TLL1: variants seen among roughly 807,000 people sequenced by gnomAD.
TLL1 encodes the protein tolloid like 1, also known as tolloid-like protein 1.
A neutral mutation model predicts 128.2 loss-of-function variants in TLL1; 49 were observed. That is an observed-to-expected ratio of 0.38 (90% CI 0.30 to 0.48). TLL1 has a LOEUF of 0.48. TLL1 is among the 20% of genes least tolerant of loss of function. The pLI, the probability that TLL1 is intolerant of heterozygous loss-of-function variation, is 0.96. For missense variants in TLL1, 1,123 were observed against 1,242.0 expected (o/e 0.90, Z 1.44); for synonymous variants, 454 against 418.8 (o/e 1.08, Z -1.03).
chr4:166,069,339 C>A (rs553039723), intron 16 of TLL1, among the ~76,000 whole-genome samples: 1 of 151,552 alleles, frequency 6.6e-6, no homozygotes, highest in South Asian at 2.1e-4. Context: ...CTTTATGAAA[C>A]CTTAACACAA....
At chr4:166,017,345 A>C (rs1203142179) in intron 8 of TLL1, among the ~76,000 whole-genome samples, 1 of 152,098 alleles carries the variant, frequency 6.6e-6, no homozygotes, top group Non-Finnish European at 1.5e-5. Flanking sequence ...CCAGTGATGG[A>C]CATCCAGGTT....
At chr4:165,934,132 G>T (rs1733657981) in intron 1 of TLL1, among the ~76,000 whole-genome samples, 1 of 150,966 alleles carries the variant, frequency 6.6e-6, no homozygotes. Context: ...CCGAGTAGCT[G>T]GGATTACAGG....
At chr4:166,099,027 CA>C (rs2111167541) in intron 19 of TLL1, among the ~76,000 whole-genome samples, 1 of 152,190 alleles carries the variant, frequency 6.6e-6, no homozygotes, top group East Asian at 1.9e-4. Context: ...GGCTCAAAGA[CA>C]TCACTTACCC....
At chr4:166,055,866 C>T (rs952553607) in intron 13 of TLL1, among the ~76,000 whole-genome samples, 2 of 151,962 alleles carry the variant, frequency 1.3e-5, no homozygotes, top group African/African-American at 4.8e-5. Context: ...ATCACATATG[C>T]ATTTAGGAAA....
chr4:165,909,798 G>A (rs1732443255), intron 1 of TLL1, among the ~76,000 whole-genome samples: 1 of 152,106 alleles, frequency 6.6e-6, no homozygotes, highest in Admixed American at 6.6e-5. Context: ...TCTCATAACA[G>A]CAGAGTGAGA....
chr4:166,043,880 C>T (rs577506286), intron 12 of TLL1, among the ~76,000 whole-genome samples: 2 of 151,118 alleles, frequency 1.3e-5, no homozygotes, highest in East Asian at 1.9e-4. Flanking sequence ...AGTGTTCTTA[C>T]GAGCTTTCAA....
intron 1 of TLL1, among the ~76,000 whole-genome samples, chr4:165,985,432 T>A (rs1053134525): frequency 3.9e-5 from 6 of 152,170 alleles, no homozygotes; most frequent in Admixed American, 1.3e-4. Context: ...CAGAAAGACT[T>A]CACCCTTGGC....
At chr4:165,921,355 T>C (rs1303807585) in intron 1 of TLL1, among the ~76,000 whole-genome samples, 3 of 152,196 alleles carry the variant, frequency 2.0e-5, no homozygotes, top group South Asian at 4.1e-4. Flanking sequence ...GTAATTAATA[T>C]AGAGTAGGCT....
chr4:165,979,883 A>G (rs1297629038), intron 1 of TLL1, among the ~76,000 whole-genome samples: 1 of 152,186 alleles, frequency 6.6e-6, no homozygotes, highest in Non-Finnish European at 1.5e-5. Context: ...ATGCTTTTCT[A>G]TACAGTTGAA....
chr4:166,091,756 T>C (rs1391250694), intron 19 of TLL1, among the ~76,000 whole-genome samples: 1 of 152,114 alleles, frequency 6.6e-6, no homozygotes, highest in East Asian at 1.9e-4. Flanking sequence ...GATTTTACAT[T>C]AATATATTTT....
At chr4:165,942,275 C>CT (rs574617625) in intron 1 of TLL1, among the ~76,000 whole-genome samples, 2,676 of 144,714 alleles carry the variant, frequency 0.018, 61 homozygotes, top group African/African-American at 0.061. Flanking sequence ...CACCACCCTC[C>CT]TTTTTTTTTT....
intron 1 of TLL1, among the ~76,000 whole-genome samples, chr4:165,978,503 AAAT>A (rs1424446769): frequency 1.3e-5 from 2 of 152,072 alleles, no homozygotes; most frequent in Admixed American, 1.3e-4. Context: ...CACAATCTCA[AAAT>A]AATATCACCA....
intron 5 of TLL1, among the ~76,000 whole-genome samples, chr4:165,999,040 C>T (rs1737026321): frequency 6.6e-6 from 1 of 151,652 alleles, no homozygotes; most frequent in South Asian, 2.1e-4. Context: ...TTTGAGACCA[C>T]CTCAGCCTGG....
At chr4:165,896,125 C>G (rs1419393301) in intron 1 of TLL1, among the ~76,000 whole-genome samples, 3 of 152,030 alleles carry the variant, frequency 2.0e-5, no homozygotes, top group Non-Finnish European at 4.4e-5. Context: ...ATGTTCCCCT[C>G]CCTGTGTCCA....
chr4:165,879,105 T>A (rs936007804), intron 1 of TLL1, among the ~76,000 whole-genome samples: 3 of 151,650 alleles, frequency 2.0e-5, no homozygotes, highest in South Asian at 2.1e-4. Flanking sequence ...AATTTTATTA[T>A]TTTAATTTAA....
chr4:165,902,980 T>C (rs1732070740), intron 1 of TLL1, among the ~76,000 whole-genome samples: 1 of 152,204 alleles, frequency 6.6e-6, no homozygotes, highest in Non-Finnish European at 1.5e-5. Context: ...TAAATTATAC[T>C]TCATCAAAAT....
At chr4:166,011,874 A>G (rs557428647) in intron 7 of TLL1, among the ~76,000 whole-genome samples, 6 of 151,594 alleles carry the variant, frequency 4.0e-5, no homozygotes, top group African/African-American at 1.4e-4. Context: ...CTTCTTCTAT[A>G]TCAGCTAACA....
chr4:166,086,110 A>G (rs1032792612), intron 18 of TLL1, among the ~76,000 whole-genome samples: 3 of 152,148 alleles, frequency 2.0e-5, no homozygotes, highest in Admixed American at 1.3e-4. Context: ...TAAAATTCCT[A>G]TGTGCCCTTT....
chr4:165,957,490 T>A (rs1040231478), intron 1 of TLL1, among the ~76,000 whole-genome samples: 12 of 151,858 alleles, frequency 7.9e-5, no homozygotes, highest in African/African-American at 2.7e-4. Flanking sequence ...TTTACCTTTT[T>A]AAATGTAATT....
Sources: allele counts gnomAD v4.1 joint callset (sites outside exome capture counted in the v4.1 genomes callset), GRCh38; gene constraint gnomAD v4.1.1; transcripts MANE v1.5; gene names NCBI Gene and HGNC (gene_info 2026-07-23, HGNC 2026-07-21).